SNX31: variants seen among roughly 807,000 people sequenced by gnomAD.
SNX31 encodes the protein sorting nexin-31.
In SNX31, 58 loss-of-function variants were observed where a neutral mutation model predicts 65.4. That is an observed-to-expected ratio of 0.89 (90% CI 0.72 to 1.10). The LOEUF (loss-of-function observed/expected upper bound fraction) is 1.10, where lower values mean the gene tolerates loss of function less well. Among genes scored for constraint, SNX31 ranks in the 50% least tolerant of loss-of-function variants. SNX31 has a pLI of 0.00. For synonymous variants in SNX31, 181 were observed against 190.1 expected (o/e 0.95, Z 0.39); for missense variants, 523 against 529.7 (o/e 0.99, Z 0.12).
At chr8:100,592,535 G>A (rs1425918769) in intron 10 of SNX31, among the ~76,000 whole-genome samples, 1 of 152,142 alleles carries the variant, frequency 6.6e-6, no homozygotes, top group Admixed American at 6.6e-5. Flanking sequence ...GATATAAAAT[G>A]GTGCAGCCAC....
chr8:100,637,530 A>G (rs1818861953), intron 2 of SNX31, among the ~76,000 whole-genome samples: 2 of 152,182 alleles, frequency 1.3e-5, no homozygotes, highest in Admixed American at 6.5e-5. Flanking sequence ...CAGAAAAGTC[A>G]AGAATCTCAT....
At chr8:100,619,968 T>A (rs1443516812) in intron 4 of SNX31, 1 of 152,200 alleles carries the variant, frequency 6.6e-6, no homozygotes, top group Admixed American at 6.5e-5. Context: ...TTTTTAAGAC[T>A]AATACATTTA....
intron 11 of SNX31, among the ~76,000 whole-genome samples, chr8:100,586,115 T>C (rs1329973689): frequency 6.6e-6 from 1 of 152,188 alleles, no homozygotes; most frequent in East Asian, 1.9e-4. Flanking sequence ...GAGATGGTGT[T>C]TCACCATGTT....
chr8:100,577,065 A>G lies in SNX31; in HGVS notation c.1181T>C (p.Val394Ala), dbSNP rs771482139. The change falls in exon 13 of 14, where the codon GTT becomes GCT. Residue 394 changes from valine to alanine, a missense_variant. Transcript: ENST00000311812. The stretch of plus-strand genomic sequence containing the variant: ...TTTTTTACTTTTGCTTTGTTCCGGA[A>G]CTTCAATCTGCTAGATAGATTAGTG... ...AAENTEMQIE[V>A]PEQSKSKKYH... 6.2e-7 allele frequency: 1 copy of G among 1,613,748 alleles called. No individual in the cohort carries two copies.
intron 12 of SNX31, among the ~76,000 whole-genome samples, chr8:100,579,157 A>G (rs1278523602): frequency 6.6e-6 from 1 of 152,156 alleles, no homozygotes; most frequent in Non-Finnish European, 1.5e-5. Context: ...TGCAGCCATG[A>G]AATACAGAGC....
rs1200889368 is a variant in SNX31 at position 100,610,849 on chromosome 8, G to A, written c.611+1151C>T. Among the ~76,000 whole-genome samples, 2 of 152,202 alleles carry A rather than the reference G, an allele frequency of 1.3e-5. No individual in the cohort carries two copies. Among genetic ancestry groups the A allele is most frequent in the African/African-American group, 4.8e-5 (2 of 41,440 alleles). On this transcript the variant is annotated intron_variant, in intron 7 of 13. Transcript: ENST00000311812. The surrounding 1 kb of genome is among the most constrained non-coding windows in gnomAD (Gnocchi z 4.0). Reference sequence around the variant, plus strand: ...CTAGAGCAAGGCATCACAAGGTCAAGGGAATTCTTAGATTTCAAAATACCT... The same window carrying A: ...CTAGAGCAAGGCATCACAAGGTCAAAGGAATTCTTAGATTTCAAAATACCT...
At chr8:100,659,353 C>CAAAAAAAA (rs148671568) in intron 1 of SNX31, among the ~76,000 whole-genome samples, 1 of 71,418 alleles carries the variant, frequency 1.4e-5, no homozygotes, top group Non-Finnish European at 2.8e-5. Context: ...AACTCCATCA[C>CAAAAAAAA]AAAAAAAAAA....
intron 10 of SNX31, among the ~76,000 whole-genome samples, chr8:100,596,145 G>A (rs1404206969): frequency 6.6e-6 from 1 of 152,138 alleles, no homozygotes; most frequent in East Asian, 1.9e-4. Flanking sequence ...GGGTCTTATA[G>A]GCTGAATTAA....
intron 12 of SNX31, among the ~76,000 whole-genome samples, chr8:100,580,776 A>C (rs983794798): frequency 6.6e-6 from 1 of 152,148 alleles, no homozygotes; most frequent in Non-Finnish European, 1.5e-5. Context: ...ATGAGAGAGA[A>C]ACAAACTTCA....
upstream of SNX31, among the ~76,000 whole-genome samples, chr8:100,652,099 C>T (rs1035578597): frequency 1.3e-5 from 2 of 152,178 alleles, no homozygotes; most frequent in Non-Finnish European, 2.9e-5. Flanking sequence ...CTGCCTCGGC[C>T]TCCCGAGTAG....
Position 100,629,255 on chromosome 8 carries a change from C to A in SNX31, c.321+1072G>T, listed in dbSNP as rs61261165. On this transcript the variant is annotated intron_variant, in intron 4 of 13. Transcript: ENST00000311812. The surrounding 1 kb of genome is among the most constrained non-coding windows in gnomAD (Gnocchi z 5.1). ...GAGCACTATAAACTATTAGACTATACACAACAGTTGTCACTGAGGAGGGGG... is the reference window on the plus strand; with the variant it reads ...GAGCACTATAAACTATTAGACTATAAACAACAGTTGTCACTGAGGAGGGGG... 0.18 allele frequency among the ~76,000 whole-genome samples: 26,976 copies of A among 152,118 alleles called. 2,846 individuals carry two copies. The highest frequency in any genetic ancestry group is 0.29 in the African/African-American group (11,832 of 41,486).
At chr8:100,642,827 T>A (rs183377915) in intron 2 of SNX31, among the ~76,000 whole-genome samples, 2 of 152,352 alleles carry the variant, frequency 1.3e-5, no homozygotes, top group African/African-American at 4.8e-5. Context: ...TCTTTTATTA[T>A]GTGGTGTTTT....
At chr8:100,652,645 TG>T (rs1210889776), upstream of SNX31, among the ~76,000 whole-genome samples, 2 of 152,184 alleles carry the variant, frequency 1.3e-5, no homozygotes, top group African/African-American at 4.8e-5. Flanking sequence ...CTCATCTACT[TG>T]GTGTGTAATC....
At chr8:100,601,826 G>A (rs998921521) in intron 8 of SNX31, among the ~76,000 whole-genome samples, 6 of 152,194 alleles carry the variant, frequency 3.9e-5, no homozygotes, top group African/African-American at 1.2e-4. Context: ...GTGGAAGCAC[G>A]TCAGGACTAT....
chr8:100,584,475 C>T (rs1354901054), intron 11 of SNX31, among the ~76,000 whole-genome samples: 1 of 152,004 alleles, frequency 6.6e-6, no homozygotes, highest in African/African-American at 2.4e-5. Flanking sequence ...CCCTTGCATC[C>T]CATGTTTTCT....
intron 5 of SNX31, 89 bp downstream of exon 5, chr8:100,617,531 C>G: frequency 1.1e-6 from 1 of 888,296 alleles, no homozygotes; most frequent in African/African-American, 1.7e-5. Flanking sequence ...GCCAGAAGCT[C>G]CTGGAAGGTA....
chr8:100,647,581 G>A (rs1222262103), intron 2 of SNX31, among the ~76,000 whole-genome samples: 2 of 152,172 alleles, frequency 1.3e-5, no homozygotes, highest in African/African-American at 4.8e-5. Context: ...TATGTACCAG[G>A]CTCTGCAAGC....
intron 5 of SNX31, among the ~76,000 whole-genome samples, chr8:100,616,247 C>T (rs1817190480): frequency 1.3e-5 from 2 of 152,180 alleles, no homozygotes; most frequent in Non-Finnish European, 2.9e-5. Context: ...CCCAAACTAT[C>T]ACCACCACCA....
intron 4 of SNX31, chr8:100,618,697 A>T (rs1817449474): frequency 3.0e-6 from 1 of 337,504 alleles, no homozygotes; most frequent in South Asian, 4.7e-5. Flanking sequence ...TGGTGTACTT[A>T]CTATTACTGG....
Sources: gnomAD v4.1 joint callset for allele counts (sites outside exome capture counted in the v4.1 genomes callset) on GRCh38, gnomAD v4.1.1 for gene constraint, Gnocchi (gnomAD v3.1) non-coding constraint, MANE v1.5 for transcripts, NCBI Gene and HGNC (gene_info 2026-07-23, HGNC 2026-07-21) for gene names.